The following TMC1 variants were observed in gnomAD, a reference collection of about 807,000 sequenced individuals.
TMC1 encodes transmembrane channel like 1.
TMC1 carries 84 observed loss-of-function variants against 105.8 expected under a neutral mutation model. The ratio of observed to expected loss-of-function variants is 0.79; its 90% confidence interval spans 0.67 to 0.95. The LOEUF (loss-of-function observed/expected upper bound fraction) is 0.95, where lower values mean the gene tolerates loss of function less well. TMC1 is among the 40% of genes least tolerant of loss of function. The pLI, the probability that TMC1 is intolerant of heterozygous loss-of-function variation, is 0.00. For synonymous variants in TMC1, 315 were observed against 311.5 expected, an observed-to-expected ratio of 1.01 and a Z score of -0.12; for missense variants, 817 against 914.1, an observed-to-expected ratio of 0.89 and a Z score of 1.37.
chr9:72,618,496 G>A (rs1787321344), intron 3 of TMC1, among the ~76,000 whole-genome samples: 1 of 152,128 alleles, frequency 6.6e-6, no homozygotes, highest in African/African-American at 2.4e-5. Flanking sequence ...ATTATTTCAA[G>A]TGACTTTAAC....
chr9:72,521,954 AC>A (rs1434963764), intron 1 of TMC1, 41 bp downstream of exon 1: 1 of 152,190 alleles, frequency 6.6e-6, no homozygotes, highest in Non-Finnish European at 1.5e-5. Flanking sequence ...TGGTGTGTTA[AC>A]ATTCTTTATG....
rs144223921 is a variant in TMC1 at position 72,606,982 on chromosome 9, CAT to C, written c.-305-9366_-305-9365del. Among the ~76,000 whole-genome samples the C allele has an allele frequency of 8.8e-3, 1,247 of 141,856 alleles. 8 individuals carry two copies. Among genetic ancestry groups the C allele is most frequent in the Non-Finnish European group, 0.013 (857 of 65,250 alleles). The allele number at this position is 141,856 out of a possible 152,430, so 93.1% of individuals were successfully genotyped here. A position where few individuals can be genotyped will look rare whatever the true frequency, so the allele number is the denominator to read the frequency against. On this transcript the variant is annotated intron_variant, in intron 2 of 23. Coordinates refer to ENST00000297784, the MANE Select transcript of TMC1 (RefSeq NM_138691.3). ...ATGTATGTATGTATGTGTGTGTGTGCATATATATATATATATATATAGAGAGA... is the reference window on the plus strand; with the variant it reads ...ATGTATGTATGTATGTGTGTGTGTGCATATATATATATATATATAGAGAGA...
chr9:72,542,736 A>G (rs1425033943), intron 1 of TMC1, among the ~76,000 whole-genome samples: 1 of 149,104 alleles, frequency 6.7e-6, no homozygotes. Flanking sequence ...CTGGAGTGCA[A>G]TGGCATGATT....
Position 72,836,206 on chromosome 9 carries a change from G to A in TMC1, c.*233G>A. On this transcript the variant is annotated 3_prime_UTR_variant, in exon 24 of 24. Transcript: ENST00000297784. ...TTTCTGCAGAGCCACTCTCTCCCCT[G>A]CTCCATTTCGTGACTTTTTTTTTTT... 3.5e-6 allele frequency: 2 copies of A among 575,014 alleles called. No individual in the cohort carries two copies. The highest frequency in any genetic ancestry group is 6.2e-6 in the Non-Finnish European group (2 of 323,274). 35.6% of individuals were successfully genotyped at this position (575,014 alleles called of 1,614,324 possible).
intron 18 of TMC1, among the ~76,000 whole-genome samples, chr9:72,806,588 G>A (rs1467449489): frequency 6.6e-6 from 1 of 150,594 alleles, no homozygotes; most frequent in Admixed American, 6.6e-5. Context: ...CTCAGATGGG[G>A]CGGCCGGGCA....
chr9:72,586,487 C>G (rs144286765), intron 2 of TMC1, among the ~76,000 whole-genome samples: 1 of 152,232 alleles, frequency 6.6e-6, no homozygotes, highest in African/African-American at 2.4e-5. Context: ...AAGCTGCTAG[C>G]CTTGGTGCAA....
At chr9:72,799,939 A>G (rs1828442096) in intron 17 of TMC1, among the ~76,000 whole-genome samples, 1 of 152,204 alleles carries the variant, frequency 6.6e-6, no homozygotes, top group Non-Finnish European at 1.5e-5. Context: ...TTGAGATGTA[A>G]CAGCAGAAGC....
At chr9:72,528,411 A>G (rs1048745463) in intron 1 of TMC1, among the ~76,000 whole-genome samples, 1 of 148,082 alleles carries the variant, frequency 6.8e-6, no homozygotes, top group Non-Finnish European at 1.5e-5. Context: ...CTCGGCTCAC[A>G]ACAAACTCCG....
At chr9:72,596,962 T>C (rs1824731429) in intron 2 of TMC1, among the ~76,000 whole-genome samples, 1 of 152,240 alleles carries the variant, frequency 6.6e-6, no homozygotes, top group Non-Finnish European at 1.5e-5. Flanking sequence ...CATTTTGTGA[T>C]GGTGTAGAAG....
At chr9:72,775,730 C>A (rs111538376) in intron 13 of TMC1, among the ~76,000 whole-genome samples, 8 of 152,262 alleles carry the variant, frequency 5.3e-5, no homozygotes, top group African/African-American at 1.9e-4. Context: ...TTATTTGGCT[C>A]ACAGTCTACA....
At position 72,688,768 on chromosome 9, in the gene TMC1, T is replaced by G; in HGVS notation, c.64+12T>G. On this transcript the variant is annotated intron_variant, in intron 6 of 23. Coordinates refer to ENST00000297784, the MANE Select transcript of TMC1 (RefSeq NM_138691.3). ...TGAGGAAAGCTCAAGTAAGTGGTGA[T>G]GGGCCACTTGGGATACATTTCCTAT... 6.2e-7 allele frequency: 1 copy of G among 1,603,906 alleles called. No individual in the cohort carries two copies. Among genetic ancestry groups the G allele is most frequent in the Non-Finnish European group, 8.5e-7 (1 of 1,171,932 alleles).
chr9:72,775,622 C>A (rs983140554), intron 13 of TMC1, among the ~76,000 whole-genome samples: 6 of 152,146 alleles, frequency 3.9e-5, no homozygotes, highest in Admixed American at 1.3e-4. Context: ...TCCTTGTAGG[C>A]TTTTTCAAGA....
At chr9:72,672,790 C>T (rs1826142869) in intron 5 of TMC1, among the ~76,000 whole-genome samples, 1 of 150,542 alleles carries the variant, frequency 6.6e-6, no homozygotes, top group Non-Finnish European at 1.5e-5. Flanking sequence ...CTTTGGCAGG[C>T]CTTGAGCTCA....
At chr9:72,553,789 A>G (rs1230686944) in intron 1 of TMC1, among the ~76,000 whole-genome samples, 1 of 152,346 alleles carries the variant, frequency 6.6e-6, no homozygotes, top group South Asian at 2.1e-4. Context: ...TAATGATTAG[A>G]GATCATGCCA....
chr9:72,713,745 G>A (rs941105319), intron 8 of TMC1, among the ~76,000 whole-genome samples: 4 of 150,270 alleles, frequency 2.7e-5, no homozygotes, highest in African/African-American at 9.8e-5. Context: ...TTTTTTGAAG[G>A]GCTTTTTGTA....
chr9:72,533,174 G>A (rs763355721), intron 1 of TMC1, among the ~76,000 whole-genome samples: 4 of 152,188 alleles, frequency 2.6e-5, no homozygotes, highest in Admixed American at 6.5e-5. Flanking sequence ...CTCTCTTCTT[G>A]CTTTGCCTAT....
intron 12 of TMC1, among the ~76,000 whole-genome samples, chr9:72,770,250 A>G (rs1266490996): frequency 6.6e-6 from 1 of 151,326 alleles, no homozygotes; most frequent in African/African-American, 2.4e-5. Flanking sequence ...AAATATAACC[A>G]GTAGAAGATA....
At chr9:72,802,643 A>G (rs557410667) in intron 17 of TMC1, among the ~76,000 whole-genome samples, 2 of 152,304 alleles carry the variant, frequency 1.3e-5, no homozygotes, top group African/African-American at 4.8e-5. Context: ...ACTAATGAGA[A>G]TAAAGAGACC....
At chr9:72,557,889 A>G (rs914642391) in intron 1 of TMC1, among the ~76,000 whole-genome samples, 1 of 152,182 alleles carries the variant, frequency 6.6e-6, no homozygotes, top group African/African-American at 2.4e-5. Flanking sequence ...CAATACCTGG[A>G]GCCCAAGTGG....
Sources: gnomAD v4.1 joint callset for allele counts (sites outside exome capture counted in the v4.1 genomes callset) on GRCh38, gnomAD v4.1.1 for gene constraint, MANE v1.5 for transcripts, NCBI Gene and HGNC (gene_info 2026-07-23, HGNC 2026-07-21) for gene names.